AURKA: variants seen among roughly 807,000 people sequenced by gnomAD.
AURKA encodes aurora kinase A.
AURKA carries 12 observed loss-of-function variants against 40.9 expected under a neutral mutation model. That is an observed-to-expected ratio of 0.29 (90% CI 0.19 to 0.48). The LOEUF is 0.48. Ranked by LOEUF, AURKA falls within the 20% of genes least tolerant of loss-of-function variation. The pLI is 0.99. For synonymous variants in AURKA, 170 were observed against 164.3 expected (o/e 1.03, Z -0.26); for missense variants, 322 against 462.1 (o/e 0.70, Z 2.78).
chr20:56,390,230 T>C lies in AURKA; in HGVS notation c.-6+1938A>G, dbSNP rs1271506907. Among the ~76,000 whole-genome samples the C allele has an allele frequency of 2.0e-5, 3 of 152,206 alleles. No individual in the cohort carries two copies. The East Asian group carries it at 5.8e-4, about 29-fold the overall frequency. ...CTTTCTGCAAATAAGTCCCCTGCCA[T>C]AAGCATTTGCACTTCTTGCTCCCTT... On this transcript the variant is annotated intron_variant, in intron 1 of 8. Coordinates refer to ENST00000395915, the MANE Select transcript of AURKA (RefSeq NM_198437.3).
chr20:56,380,721 A>G (rs1010123234), intron 6 of AURKA, among the ~76,000 whole-genome samples: 8 of 152,238 alleles, frequency 5.3e-5, no homozygotes, highest in African/African-American at 9.6e-5. Context: ...GTTAAAAGTC[A>G]TAAGAGTTTA....
rs1199953161 is a variant in AURKA, at chr20:56,373,065, A to G, written c.854+343T>C. Among the ~76,000 whole-genome samples, 1 of 152,194 alleles carries G rather than the reference A, an allele frequency of 6.6e-6. No homozygotes were observed. Among genetic ancestry groups the G allele is most frequent in the Non-Finnish European group, 1.5e-5 (1 of 68,024 alleles). ...CTCCCCATCTCCTCATCCAGGAAGC[A>G]GCAGAGGTGAAGAGTTCCTCCCACT... On this transcript the variant is annotated intron_variant, in intron 7 of 8. Transcript: ENST00000395915. The surrounding 1 kb of genome is among the most constrained non-coding windows in gnomAD (Gnocchi z 5.0).
At chr20:56,378,634 C>T (rs530184153) in intron 6 of AURKA, among the ~76,000 whole-genome samples, 27 of 152,290 alleles carry the variant, frequency 1.8e-4, no homozygotes, top group South Asian at 6.2e-4. Flanking sequence ...AGCCAAGATA[C>T]CCTTCAGTAG....
intron 7 of AURKA, among the ~76,000 whole-genome samples, chr20:56,371,342 G>A (rs1292774804): frequency 1.3e-5 from 2 of 151,822 alleles, no homozygotes; most frequent in Non-Finnish European, 2.9e-5. Flanking sequence ...TGCGCCTGTA[G>A]TCCTAGCTAC....
intron 3 of AURKA, among the ~76,000 whole-genome samples, 166 bp downstream of exon 3, chr20:56,386,091 G>A (rs927457739): frequency 2.0e-5 from 3 of 152,162 alleles, no homozygotes; most frequent in African/African-American, 7.2e-5. Flanking sequence ...CATAGGTCTG[G>A]CCCATGGGCA....
At chr20:56,379,088 G>A (rs1402309349) in intron 6 of AURKA, among the ~76,000 whole-genome samples, 2 of 152,142 alleles carry the variant, frequency 1.3e-5, no homozygotes, top group Admixed American at 6.5e-5. Context: ...AAATCTCATT[G>A]CATTACAAAT....
At chr20:56,379,548 C>T (rs1002472525) in intron 6 of AURKA, among the ~76,000 whole-genome samples, 1 of 152,178 alleles carries the variant, frequency 6.6e-6, no homozygotes, top group Non-Finnish European at 1.5e-5. Flanking sequence ...GTGCCCAGAG[C>T]TTGGTTTCTA....
At chr20:56,378,292 C>G (rs781236647) in intron 6 of AURKA, among the ~76,000 whole-genome samples, 2 of 152,150 alleles carry the variant, frequency 1.3e-5, no homozygotes, top group Non-Finnish European at 2.9e-5. Context: ...AGCTGCCCCA[C>G]GGAAACCAAC....
intron 6 of AURKA, among the ~76,000 whole-genome samples, chr20:56,379,084 C>T (rs1048739787): frequency 6.6e-6 from 1 of 152,214 alleles, no homozygotes; most frequent in African/African-American, 2.4e-5. Context: ...AAAAAAATCT[C>T]ATTGCATTAC....
intron 4 of AURKA, 70 bp downstream of exon 4, chr20:56,384,200 C>T: frequency 7.5e-7 from 1 of 1,328,276 alleles, no homozygotes; most frequent in South Asian, 1.2e-5. Context: ...AGAGTTCCCA[C>T]AACGAAATTT....
At chr20:56,370,797 A>G in intron 7 of AURKA, 138 bp from the exon 8 acceptor site, 1 of 901,664 alleles carries the variant, frequency 1.1e-6, no homozygotes, top group Non-Finnish European at 1.7e-6. Context: ...AGCTACTATT[A>G]TAAATTCCCA....
intron 1 of AURKA, 139 bp from the exon 2 acceptor site, chr20:56,388,341 C>A: frequency 1.2e-6 from 1 of 808,242 alleles, no homozygotes; most frequent in South Asian, 1.5e-5. Flanking sequence ...CCAAATGAAG[C>A]TAATGAGGGA....
In AURKA at chr20:56,374,461, T is replaced by C. The variant is rs571578566; in HGVS notation, c.706-905A>G. Among the ~76,000 whole-genome samples, 293 of 152,320 alleles carry C rather than the reference T, an allele frequency of 1.9e-3. 1 individual carries two copies. The highest frequency in any genetic ancestry group is 6.9e-3 in the African/African-American group (286 of 41,560). On this transcript the variant is annotated intron_variant, in intron 6 of 8. Transcript: ENST00000395915. ...CTTCAAGAATATCAGGAGAAAAAAT[T>C]ATCCTGAACAATAAACAGAAACTAA...
At chr20:56,391,924 C>T (rs1987191906) in intron 1 of AURKA, 2 of 149,062 alleles carry the variant, frequency 1.3e-5, no homozygotes, top group Non-Finnish European at 3.0e-5. Context: ...GTCAACACCA[C>T]TCAACAAACC....
rs1984520909 is a variant in AURKA at position 56,373,359 on chromosome 20, T to C, written c.854+49A>G. The C allele has an allele frequency of 1.9e-6, 3 of 1,612,014 alleles. No individual in the cohort carries two copies. The highest frequency in any genetic ancestry group is 1.3e-5 in the African/African-American group (1 of 74,856). Reference sequence around the variant, plus strand: ...ATTTTACATTTAGCTCACGGTTAGCTCCCAGGGCTTTGGTAAACCAAACAA... The same window carrying C: ...ATTTTACATTTAGCTCACGGTTAGCCCCCAGGGCTTTGGTAAACCAAACAA... On this transcript the variant is annotated intron_variant, in intron 7 of 8. Coordinates refer to ENST00000395915, the MANE Select transcript of AURKA (RefSeq NM_198437.3). This position sits in a 1 kb window ranked among gnomAD's most constrained non-coding sequence, Gnocchi z 5.0.
intron 6 of AURKA, among the ~76,000 whole-genome samples, chr20:56,379,970 G>GAA (rs1199131417): frequency 4.4e-5 from 3 of 68,954 alleles, no homozygotes; most frequent in South Asian, 4.9e-4. Context: ...CTCAAAAAAA[G>GAA]AAAAAAAAAA....
intron 1 of AURKA, chr20:56,388,547 T>C (rs927073369): frequency 1.2e-5 from 4 of 328,732 alleles, no homozygotes; most frequent in Admixed American, 4.4e-5. Flanking sequence ...CATGGTGGCT[T>C]ACACCTGTAA....
At chr20:56,383,916 C>T (rs1051961879) in intron 4 of AURKA, among the ~76,000 whole-genome samples, 5 of 152,168 alleles carry the variant, frequency 3.3e-5, no homozygotes, top group African/African-American at 1.2e-4. Context: ...AGTTCTGCAA[C>T]ATATTCTATT....
chr20:56,386,861 T>C lies in AURKA; in HGVS notation c.43-328A>G, dbSNP rs530103516. 5.3e-5 allele frequency among the ~76,000 whole-genome samples: 8 copies of C among 152,318 alleles called. No individual in the cohort carries two copies. In the South Asian group the frequency reaches 1.4e-3, roughly 28 times the overall value. On this transcript the variant is annotated intron_variant, in intron 2 of 8. Transcript: ENST00000395915. ...TACATTGCTATTTGGCAAAAAGCTA[T>C]GATACAAAAACTTTATGCCAAAATC...
Sources: gnomAD v4.1 joint callset for allele counts (sites outside exome capture counted in the v4.1 genomes callset) on GRCh38, gnomAD v4.1.1 for gene constraint, Gnocchi (gnomAD v3.1) non-coding constraint, MANE v1.5 for transcripts, NCBI Gene and HGNC (gene_info 2026-07-23, HGNC 2026-07-21) for gene names.